Variants in CMIP observed in about 807,000 individuals in gnomAD.
CMIP encodes the protein c-Maf inducing protein, also known as C-Maf-inducing protein.
CMIP carries 13 observed loss-of-function variants against 97.3 expected under a neutral mutation model. The observed-to-expected ratio is 0.13, with a 90% CI of 0.09 to 0.21. The LOEUF is 0.21. Ranked by LOEUF, CMIP falls within the 10% of genes least tolerant of loss-of-function variation. The probability of loss-of-function intolerance (pLI) is 1.00; values close to 1 mark genes in which losing one functional copy is unlikely to be tolerated. For synonymous variants in CMIP, 538 were observed against 436.3 expected (o/e 1.23, Z -2.91); for missense variants, 847 against 1,024.9 (o/e 0.83, Z 2.37).
At chr16:81,703,236 C>T (rs1206721475) in intron 17 of CMIP, among the ~76,000 whole-genome samples, 3 of 152,088 alleles carry the variant, frequency 2.0e-5, no homozygotes, top group East Asian at 1.9e-4. Context: ...ACTTACATCC[C>T]ATTTTCCAGA....
Position 81,453,651 on chromosome 16 carries a change from T to C in CMIP, c.300+8110T>C, listed in dbSNP as rs943980552. On this transcript the variant is annotated intron_variant, in intron 1 of 20. Coordinates refer to ENST00000537098, the MANE Select transcript of CMIP (RefSeq NM_198390.3). The surrounding 1 kb of genome is among the most constrained non-coding windows in gnomAD (Gnocchi z 4.0). ...CCACGGGTATGGAAGGGGCTGTGTG[T>C]TCCCCAGGCAGGCTAGCTGCCGTAA... Among the ~76,000 whole-genome samples the C allele has an allele frequency of 1.3e-5, 2 of 152,202 alleles. No individual in the cohort carries two copies. Among genetic ancestry groups the C allele is most frequent in the African/African-American group, 4.8e-5 (2 of 41,456 alleles).
intron 1 of CMIP, among the ~76,000 whole-genome samples, chr16:81,556,900 A>G (rs951314219): frequency 2.0e-5 from 3 of 152,234 alleles, no homozygotes; most frequent in African/African-American, 7.2e-5. Flanking sequence ...AGGAAAGCGT[A>G]AACTGTCCCA....
At chr16:81,636,307 G>A (rs976418749) in intron 3 of CMIP, among the ~76,000 whole-genome samples, 1 of 152,166 alleles carries the variant, frequency 6.6e-6, no homozygotes, top group African/African-American at 2.4e-5. Flanking sequence ...TTCTGGCCCG[G>A]TGTGGTGGCT....
chr16:81,587,266 G>A (rs1245445477), intron 1 of CMIP, among the ~76,000 whole-genome samples: 3 of 152,206 alleles, frequency 2.0e-5, no homozygotes, highest in Admixed American at 1.3e-4. Flanking sequence ...TGATGGGGCC[G>A]CCCATTCCTG....
At chr16:81,640,729 C>G (rs1053597292) in intron 3 of CMIP, among the ~76,000 whole-genome samples, 1 of 88,528 alleles carries the variant, frequency 1.1e-5, no homozygotes, top group Non-Finnish European at 2.8e-5. Flanking sequence ...GTGGAGGTCT[C>G]TCTGGAGCAT....
intron 1 of CMIP, among the ~76,000 whole-genome samples, chr16:81,512,992 G>C (rs981444510): frequency 6.6e-6 from 1 of 152,104 alleles, no homozygotes; most frequent in Non-Finnish European, 1.5e-5. Context: ...CCTCCTCAGC[G>C]TCCCAAAGTG....
At chr16:81,594,012 T>G (rs2091507681) in intron 1 of CMIP, among the ~76,000 whole-genome samples, 2 of 62,432 alleles carry the variant, frequency 3.2e-5, no homozygotes, top group East Asian at 5.9e-4. Flanking sequence ...TTTCCTCCTC[T>G]TCCTCCCCCC....
rs570976919 is a variant in CMIP, at chr16:81,471,868, C to T, written c.300+26327C>T. Reference sequence around the variant, plus strand: ...ACAAACTGGACAGAGGGAGGACTCACGTCCTGGACAAGATGCAGCAGGACA... The same window carrying T: ...ACAAACTGGACAGAGGGAGGACTCATGTCCTGGACAAGATGCAGCAGGACA... On this transcript the variant is annotated intron_variant, in intron 1 of 20. Transcript: ENST00000537098. Among the ~76,000 whole-genome samples the T allele has an allele frequency of 8.8e-4, 134 of 152,322 alleles. 1 individual carries two copies. The highest frequency in any genetic ancestry group is 2.6e-3 in the African/African-American group (109 of 41,566).
chr16:81,463,698 C>T (rs1229442316), intron 1 of CMIP, among the ~76,000 whole-genome samples: 1 of 152,182 alleles, frequency 6.6e-6, no homozygotes, highest in African/African-American at 2.4e-5. Context: ...GCAGTGTCCC[C>T]GTGTTACAAG....
intron 1 of CMIP, among the ~76,000 whole-genome samples, chr16:81,500,260 T>TTCCTTCCG (rs1567546076): frequency 2.2e-5 from 3 of 138,806 alleles, no homozygotes; most frequent in African/African-American, 5.3e-5. Flanking sequence ...CCTTCCGTCC[T>TTCCTTCCG]TCCTTCCTTC....
At chr16:81,615,146 ATG>A (rs2091894592) in intron 2 of CMIP, among the ~76,000 whole-genome samples, 1 of 122,382 alleles carries the variant, frequency 8.2e-6, no homozygotes, top group South Asian at 2.7e-4. Flanking sequence ...TGTCTGTGTG[ATG>A]TGTGTGCATG....
chr16:81,705,451 T>C (rs371824273), intron 18 of CMIP, 48 bp from the exon 19 acceptor site: 14 of 1,366,144 alleles, frequency 1.0e-5, no homozygotes, highest in Non-Finnish European at 1.3e-5. Context: ...TCAGAGTCAC[T>C]TCCCCAGGAG....
chr16:81,610,894 A>C (rs1418154276), intron 2 of CMIP, among the ~76,000 whole-genome samples: 1 of 152,152 alleles, frequency 6.6e-6, no homozygotes, highest in Non-Finnish European at 1.5e-5. Context: ...ATTAGATCCC[A>C]GAGCCGTGGT....
At chr16:81,502,605 A>G (rs1034430162) in intron 1 of CMIP, among the ~76,000 whole-genome samples, 2 of 152,226 alleles carry the variant, frequency 1.3e-5, no homozygotes, top group African/African-American at 2.4e-5. Flanking sequence ...GAGGACTCAG[A>G]CAAAAGAAGA....
intron 1 of CMIP, among the ~76,000 whole-genome samples, chr16:81,477,983 A>G (rs1481375828): frequency 6.6e-6 from 1 of 152,250 alleles, no homozygotes; most frequent in Admixed American, 6.5e-5. Context: ...CCCGGCTGCA[A>G]GAGCATCTGG....
At chr16:81,476,467 C>T in intron 1 of CMIP, 1 of 801,664 alleles carries the variant, frequency 1.2e-6, no homozygotes, top group South Asian at 1.3e-5. Flanking sequence ...GGAGATGCGG[C>T]CCAAGGGCTC....
intron 3 of CMIP, chr16:81,645,401 G>T (rs2092353230): frequency 2.0e-6 from 3 of 1,473,368 alleles, no homozygotes; most frequent in African/African-American, 1.4e-5. Flanking sequence ...CAGCAGAGCA[G>T]CAGAGCAGCA....
intron 1 of CMIP, among the ~76,000 whole-genome samples, chr16:81,484,093 T>C (rs1007762514): frequency 6.6e-6 from 1 of 152,196 alleles, no homozygotes; most frequent in African/African-American, 2.4e-5. Flanking sequence ...ACAAACCAGA[T>C]AGCGTTTTTG....
chr16:81,699,549 G>A, intron 14 of CMIP, 136 bp from the exon 15 acceptor site: 1 of 611,502 alleles, frequency 1.6e-6, no homozygotes, highest in East Asian at 2.9e-5. Context: ...GGGGCCTGGT[G>A]ATCCTAGAAC....
Sources: gnomAD v4.1 joint callset for allele counts (sites outside exome capture counted in the v4.1 genomes callset) on GRCh38, gnomAD v4.1.1 for gene constraint, Gnocchi (gnomAD v3.1) non-coding constraint, MANE v1.5 for transcripts, NCBI Gene and HGNC (gene_info 2026-07-23, HGNC 2026-07-21) for gene names.